DTNB: variants seen among roughly 807,000 people sequenced by gnomAD.
The protein encoded by DTNB is dystrobrevin beta.
Under a neutral mutation model 90.7 loss-of-function variants are expected in DTNB, and 63 were observed. That is an observed-to-expected ratio of 0.69 (90% CI 0.57 to 0.86). DTNB has a LOEUF of 0.86. DTNB is among the 40% of genes least tolerant of loss of function. The pLI, the probability that DTNB is intolerant of heterozygous loss-of-function variation, is 0.00. For synonymous variants in DTNB, 277 were observed against 286.7 expected (o/e 0.97, Z 0.34); for missense variants, 744 against 807.1 (o/e 0.92, Z 0.95).
chr2:25,459,005 C>T (rs901547173), intron 10 of DTNB, among the ~76,000 whole-genome samples: 2 of 151,640 alleles, frequency 1.3e-5, no homozygotes, highest in African/African-American at 4.8e-5. Context: ...TGTTCTTGAA[C>T]TCTTGGGTTC....
intron 8 of DTNB, among the ~76,000 whole-genome samples, chr2:25,550,807 A>G (rs2083484222): frequency 6.6e-6 from 1 of 151,898 alleles, no homozygotes; most frequent in African/African-American, 2.4e-5. Flanking sequence ...GTGCCACCAC[A>G]CCCGGCTAAT....
At chr2:25,433,869 A>T in intron 13 of DTNB, 41 bp downstream of exon 13, 1 of 1,607,024 alleles carries the variant, frequency 6.2e-7, no homozygotes, top group Non-Finnish European at 8.5e-7. Flanking sequence ...GCACGTGATA[A>T]TCCTGGACTC....
At chr2:25,539,809 A>G (rs1002072167) in intron 8 of DTNB, among the ~76,000 whole-genome samples, 4 of 152,056 alleles carry the variant, frequency 2.6e-5, no homozygotes, top group Non-Finnish European at 5.9e-5. Context: ...GCCATAAGGT[A>G]TACTTCCAAA....
chr2:25,379,176 C>T, intron 20 of DTNB, 114 bp downstream of exon 20: 1 of 1,062,750 alleles, frequency 9.4e-7, no homozygotes. Flanking sequence ...CTTGCATCTT[C>T]ACCTGTTAGG....
intron 1 of DTNB, among the ~76,000 whole-genome samples, chr2:25,662,789 A>G (rs2083524130): frequency 6.6e-6 from 1 of 152,168 alleles, no homozygotes; most frequent in South Asian, 2.1e-4. Context: ...AAACAGAATT[A>G]TGACCGCAGA....
rs138072925 is a variant in DTNB at position 25,517,553 on chromosome 2, A to C, written c.1001+13920T>G. Among the ~76,000 whole-genome samples the C allele has an allele frequency of 5.4e-4, 82 of 152,362 alleles. 1 individual carries two copies. The highest frequency in any genetic ancestry group is 1.9e-3 in the African/African-American group (77 of 41,586). On this transcript the variant is annotated intron_variant, in intron 9 of 20. Coordinates refer to ENST00000406818, the MANE Select transcript of DTNB (RefSeq NM_021907.5). ...AACAAGTGTTGGCAAGGATGTGCAA[A>C]GTTGGAACTCTTTTGCAGTACTAGT...
chr2:25,433,135 G>A (rs1343761751), intron 13 of DTNB, 136 bp from the exon 14 acceptor site: 2 of 782,814 alleles, frequency 2.6e-6, no homozygotes, highest in East Asian at 2.8e-5. Flanking sequence ...ATGGCCAAGA[G>A]GTGAAATGGA....
At chr2:25,599,781 T>TA (rs1220692732) in intron 5 of DTNB, among the ~76,000 whole-genome samples, 8 of 152,140 alleles carry the variant, frequency 5.3e-5, no homozygotes, top group African/African-American at 1.9e-4. Context: ...GGGAAGAACA[T>TA]AAATGATTTA....
At chr2:25,486,145 AAAAT>A (rs1558724588) in intron 9 of DTNB, among the ~76,000 whole-genome samples, 1 of 150,710 alleles carries the variant, frequency 6.6e-6, no homozygotes, top group Non-Finnish European at 1.5e-5. Context: ...AAAATAAAAT[AAAAT>A]AAAATAAAAA....
chr2:25,527,381 G>C (rs1447593972), intron 9 of DTNB, among the ~76,000 whole-genome samples: 1 of 152,054 alleles, frequency 6.6e-6, no homozygotes, highest in Non-Finnish European at 1.5e-5. Context: ...AAATTAGCTG[G>C]GCGTGCTAGC....
chr2:25,514,050 G>C (rs572114228), intron 9 of DTNB, among the ~76,000 whole-genome samples: 1 of 151,632 alleles, frequency 6.6e-6, no homozygotes, highest in South Asian at 2.1e-4. Flanking sequence ...GTCTAATAGG[G>C]TAGAGATTAT....
intron 2 of DTNB, among the ~76,000 whole-genome samples, chr2:25,652,210 A>G (rs1000509855): frequency 1.3e-5 from 2 of 152,224 alleles, no homozygotes; most frequent in Non-Finnish European, 2.9e-5. Flanking sequence ...CCTAACACTG[A>G]GTCCTCTCTG....
chr2:25,423,159 T>C (rs559805481), intron 15 of DTNB, among the ~76,000 whole-genome samples: 1 of 152,166 alleles, frequency 6.6e-6, no homozygotes, highest in Admixed American at 6.5e-5. Flanking sequence ...ATTGTGCCAC[T>C]GCACCCCAGC....
chr2:25,482,740 A>T lies in DTNB; in HGVS notation c.1079+56T>A, dbSNP rs1272704380. The T allele has an allele frequency of 3.2e-6, 5 of 1,568,984 alleles. No individual in the cohort carries two copies. In the African/African-American group the frequency reaches 6.8e-5, roughly 21 times the overall value. On this transcript the variant is annotated intron_variant, in intron 10 of 20. Coordinates refer to ENST00000406818, the MANE Select transcript of DTNB (RefSeq NM_021907.5). ...TTCAGGCCTCATTTCTGGCAGGGGCATCGCAAATCAGTAGCAGAGGCCAAC... is the reference window on the plus strand; with the variant it reads ...TTCAGGCCTCATTTCTGGCAGGGGCTTCGCAAATCAGTAGCAGAGGCCAAC...
At chr2:25,664,994 G>A (rs530935020) in intron 1 of DTNB, among the ~76,000 whole-genome samples, 183 of 152,310 alleles carry the variant, frequency 1.2e-3, no homozygotes, top group Non-Finnish European at 2.3e-3. Flanking sequence ...TGAAGAGAGT[G>A]CAGCAAAAAG....
intron 8 of DTNB, among the ~76,000 whole-genome samples, chr2:25,540,433 G>C (rs937923046): frequency 6.6e-6 from 1 of 151,940 alleles, no homozygotes; most frequent in Non-Finnish European, 1.5e-5. Flanking sequence ...TATAAGTTGT[G>C]ATAAAACATA....
At chr2:25,604,866 G>A (rs1373078844) in intron 5 of DTNB, among the ~76,000 whole-genome samples, 7 of 151,346 alleles carry the variant, frequency 4.6e-5, no homozygotes, top group East Asian at 1.9e-4. Flanking sequence ...GATTACAGGC[G>A]GGAGCCACTG....
chr2:25,466,875 C>T (rs1453675314), intron 10 of DTNB, among the ~76,000 whole-genome samples: 10 of 152,118 alleles, frequency 6.6e-5, no homozygotes, highest in Admixed American at 4.6e-4. Flanking sequence ...GTAATTCTGG[C>T]GACCATGTTT....
chr2:25,523,508 G>A (rs2076521206), intron 9 of DTNB, among the ~76,000 whole-genome samples: 1 of 152,014 alleles, frequency 6.6e-6, no homozygotes. Context: ...AGGCATGGTG[G>A]CACGCACTTG....
Sources: gnomAD v4.1 joint callset for allele counts (sites outside exome capture counted in the v4.1 genomes callset) on GRCh38, gnomAD v4.1.1 for gene constraint, MANE v1.5 for transcripts, NCBI Gene and HGNC (gene_info 2026-07-23, HGNC 2026-07-21) for gene names.